The following GPC5 variants were observed in gnomAD, a reference collection of about 807,000 sequenced individuals.
GPC5 encodes the protein glypican-5.
A neutral mutation model predicts 53.9 loss-of-function variants in GPC5; 47 were observed. That is an observed-to-expected ratio of 0.87 (90% confidence interval 0.69 to 1.11). The LOEUF (loss-of-function observed/expected upper bound fraction) is 1.11. Ranked by LOEUF, GPC5 falls within the 50% of genes most tolerant of loss-of-function variation. GPC5 has a pLI of 0.00. For synonymous variants in GPC5, 286 were observed against 263.3 expected, an observed-to-expected ratio of 1.09 and a Z score of -0.84; for missense variants, 748 against 713.1, an observed-to-expected ratio of 1.05 and a Z score of -0.56.
chr13:91,969,941 G>A (rs953099400), intron 6 of GPC5, among the ~76,000 whole-genome samples: 2 of 152,284 alleles, frequency 1.3e-5, no homozygotes, highest in African/African-American at 2.4e-5. Context: ...TTGGTACAAC[G>A]AGTATGGAAA....
chr13:92,007,113 C>G (rs534096065), intron 6 of GPC5, among the ~76,000 whole-genome samples: 1 of 152,134 alleles, frequency 6.6e-6, no homozygotes, highest in African/African-American at 2.4e-5. Context: ...TGCAATATGA[C>G]ATTTCATTCC....
intron 7 of GPC5, among the ~76,000 whole-genome samples, chr13:92,190,409 TAAATC>T (rs1257462895): frequency 6.6e-6 from 1 of 152,152 alleles, no homozygotes; most frequent in African/African-American, 2.4e-5. Context: ...AGAAAATTAA[TAAATC>T]AAAGTAAAAT....
chr13:92,133,321 G>A (rs2352494), intron 6 of GPC5, among the ~76,000 whole-genome samples: 4 of 152,132 alleles, frequency 2.6e-5, no homozygotes, highest in East Asian at 3.9e-4. Context: ...GCCATCTGGC[G>A]TACACGAGGG....
intron 2 of GPC5, among the ~76,000 whole-genome samples, chr13:91,654,952 T>A (rs781245084): frequency 3.1e-4 from 47 of 152,178 alleles, no homozygotes; most frequent in Non-Finnish European, 4.1e-4. Context: ...ATAATTTTCT[T>A]ATGTATTTTT....
intron 3 of GPC5, among the ~76,000 whole-genome samples, chr13:91,721,137 C>CTTTCTTTCTTTCTTTCTTT (rs1181362469): frequency 1.1e-5 from 1 of 92,056 alleles, no homozygotes; most frequent in African/African-American, 4.3e-5. Flanking sequence ...TTCTTTCTTT[C>CTTTCTTTCTTTCTTTCTTT]TTTTTTTGGG....
chr13:91,848,575 G>T (rs61967095), intron 5 of GPC5, among the ~76,000 whole-genome samples: 20,565 of 152,124 alleles, frequency 0.14, 1,521 homozygotes, highest in African/African-American at 0.19. Context: ...AGGAGAAAGA[G>T]AAAGTAGAAG....
At chr13:91,677,315 G>T (rs1474862940) in intron 2 of GPC5, among the ~76,000 whole-genome samples, 2 of 152,096 alleles carry the variant, frequency 1.3e-5, no homozygotes, top group East Asian at 1.9e-4. Context: ...TATGACTGCA[G>T]CTCCACACAG....
chr13:91,591,847 GA>G (rs2032811675), intron 2 of GPC5, among the ~76,000 whole-genome samples: 2 of 152,234 alleles, frequency 1.3e-5, no homozygotes, highest in South Asian at 4.1e-4. Context: ...TGTTTTACTG[GA>G]TTCTGTGGAT....
chr13:91,418,269 A>T (rs956993037), intron 1 of GPC5, among the ~76,000 whole-genome samples: 1 of 152,156 alleles, frequency 6.6e-6, no homozygotes, highest in Non-Finnish European at 1.5e-5. Flanking sequence ...AGAAGAAGAA[A>T]GGGTTTTGAG....
At chr13:91,681,297 T>G (rs901460511) in intron 2 of GPC5, among the ~76,000 whole-genome samples, 3 of 152,102 alleles carry the variant, frequency 2.0e-5, no homozygotes, top group Non-Finnish European at 4.4e-5. Flanking sequence ...TTTTTACCAA[T>G]AGAGGGTATA....
At chr13:92,432,657 G>A (rs926872065) in intron 7 of GPC5, among the ~76,000 whole-genome samples, 4 of 151,932 alleles carry the variant, frequency 2.6e-5, no homozygotes, top group Middle Eastern at 3.4e-3. Context: ...TTAAAGGTGT[G>A]AGCCATGACG....
intron 7 of GPC5, among the ~76,000 whole-genome samples, chr13:92,382,941 T>A (rs1328967360): frequency 6.9e-6 from 1 of 144,812 alleles, no homozygotes; most frequent in Non-Finnish European, 1.5e-5. Flanking sequence ...AGGCGGAGCT[T>A]GCAGTGAGCC....
At chr13:92,787,551 G>A (rs1275277932) in intron 7 of GPC5, among the ~76,000 whole-genome samples, 1 of 151,390 alleles carries the variant, frequency 6.6e-6, no homozygotes, top group East Asian at 1.9e-4. Context: ...GGTAAGATGG[G>A]TTAGGTGCAG....
intron 2 of GPC5, among the ~76,000 whole-genome samples, chr13:91,520,645 CAT>C (rs371083601): frequency 4.7e-5 from 7 of 150,484 alleles, no homozygotes; most frequent in Admixed American, 1.3e-4. Context: ...AATCTATTTC[CAT>C]ATATATATAT....
chr13:92,524,760 T>C (rs1359434291), intron 7 of GPC5, among the ~76,000 whole-genome samples: 1 of 152,104 alleles, frequency 6.6e-6, no homozygotes, highest in East Asian at 1.9e-4. Context: ...ATATTTGTTT[T>C]AGGCTCCTCA....
At chr13:92,291,251 A>AG (rs1472117875) in intron 7 of GPC5, among the ~76,000 whole-genome samples, 1 of 152,174 alleles carries the variant, frequency 6.6e-6, no homozygotes, top group Admixed American at 6.5e-5. Flanking sequence ...CGGGACTGAC[A>AG]GGCAGCTCCA....
At chr13:92,797,719 T>C (rs1876735033) in intron 7 of GPC5, among the ~76,000 whole-genome samples, 1 of 151,808 alleles carries the variant, frequency 6.6e-6, no homozygotes, top group South Asian at 2.1e-4. Flanking sequence ...ATTTCAAATA[T>C]ATAGAGAGGG....
chr13:91,677,407 G>A (rs1463616317), intron 2 of GPC5, among the ~76,000 whole-genome samples: 1 of 152,186 alleles, frequency 6.6e-6, no homozygotes, highest in African/African-American at 2.4e-5. Flanking sequence ...TGGTGCCTTA[G>A]CTATAAGGCC....
chr13:92,514,018 A>T (rs754912699), intron 7 of GPC5, among the ~76,000 whole-genome samples: 4 of 152,108 alleles, frequency 2.6e-5, no homozygotes, highest in Non-Finnish European at 5.9e-5. Context: ...ATGTAGATCA[A>T]CTAGGAATTT....
Sources: allele counts gnomAD v4.1 joint callset (sites outside exome capture counted in the v4.1 genomes callset), GRCh38; gene constraint gnomAD v4.1.1; transcripts MANE v1.5; gene names NCBI Gene and HGNC (gene_info 2026-07-23, HGNC 2026-07-21).